RBFOX1: variants seen among roughly 807,000 people sequenced by gnomAD.
RBFOX1 encodes RNA binding protein fox-1 homolog 1.
RBFOX1 carries 8 observed loss-of-function variants against 57.7 expected under a neutral mutation model. The observed-to-expected ratio is 0.14, with a 90% CI of 0.08 to 0.25. The LOEUF is 0.25. Ranked by LOEUF, RBFOX1 falls within the 10% of genes least tolerant of loss-of-function variation. RBFOX1 has a pLI of 1.00. For synonymous variants in RBFOX1, 326 were observed against 222.4 expected, an observed-to-expected ratio of 1.47 and a Z score of -4.15; for missense variants, 611 against 548.5, an observed-to-expected ratio of 1.11 and a Z score of -1.14.
In RBFOX1 at chr16:6,020,682, G is replaced by A. The variant is rs575950410; in HGVS notation, c.-127+690G>A. 1.8e-3 allele frequency among the ~76,000 whole-genome samples: 276 copies of A among 150,386 alleles called. 2 individuals carry two copies. Among genetic ancestry groups the A allele is most frequent in the African/African-American group, 6.6e-3 (268 of 40,630 alleles). On this transcript the variant is annotated intron_variant, in intron 1 of 15. Transcript: ENST00000550418. Reference sequence around the variant, plus strand: ...CACAGGGGTAGCAGATCTTAGCCCTGTGTTGTTGTGCAGGCCAGGGGGGGG... The same window carrying A: ...CACAGGGGTAGCAGATCTTAGCCCTATGTTGTTGTGCAGGCCAGGGGGGGG...
chr16:6,747,826 C>G (rs1023091945), intron 3 of RBFOX1, among the ~76,000 whole-genome samples: 5 of 152,110 alleles, frequency 3.3e-5, no homozygotes, highest in Non-Finnish European at 7.4e-5. Context: ...CAGTCCCTAC[C>G]CGCCATCCAG....
intron 1 of RBFOX1, among the ~76,000 whole-genome samples, chr16:6,096,387 C>T (rs187488701): frequency 6.6e-6 from 1 of 152,172 alleles, no homozygotes; most frequent in Non-Finnish European, 1.5e-5. Flanking sequence ...TATGTTTGCT[C>T]TCGACATTTA....
At chr16:6,943,182 G>C (rs1323723429) in intron 3 of RBFOX1, among the ~76,000 whole-genome samples, 1 of 152,180 alleles carries the variant, frequency 6.6e-6, no homozygotes, top group African/African-American at 2.4e-5. Flanking sequence ...CCACAGACCT[G>C]AGCTTGGCCA....
At chr16:7,439,975 AG>A (rs2098753754) in intron 4 of RBFOX1, among the ~76,000 whole-genome samples, 1 of 129,918 alleles carries the variant, frequency 7.7e-6, no homozygotes, top group Non-Finnish European at 1.6e-5. Flanking sequence ...TTTTTGAGAC[AG>A]GGTCTCATTC....
intron 3 of RBFOX1, among the ~76,000 whole-genome samples, chr16:6,960,040 C>T (rs1413315175): frequency 2.0e-5 from 3 of 152,000 alleles, no homozygotes; most frequent in Non-Finnish European, 4.4e-5. Context: ...TTTCCTAGGC[C>T]TTGAAACATG....
intron 3 of RBFOX1, among the ~76,000 whole-genome samples, chr16:6,858,390 G>T (rs1436614568): frequency 6.6e-6 from 1 of 152,160 alleles, no homozygotes; most frequent in Admixed American, 6.5e-5. Flanking sequence ...CTCCTTGTTG[G>T]TTTTGTGTTG....
intron 1 of RBFOX1, among the ~76,000 whole-genome samples, chr16:5,301,618 C>CAAAAAAAAAAAAAAAAAAAAAAAAACA (rs60501583): frequency 1.1e-5 from 1 of 87,052 alleles, no homozygotes; most frequent in Non-Finnish European, 2.1e-5. Flanking sequence ...GTCTCCATCT[C>CAAAAAAAAAAAAAAAAAAAAAAAAACA]AAAAAAAAAA....
intron 2 of RBFOX1, among the ~76,000 whole-genome samples, chr16:6,471,648 A>C (rs1474193260): frequency 6.6e-6 from 1 of 151,120 alleles, no homozygotes; most frequent in Non-Finnish European, 1.5e-5. Flanking sequence ...TTGGGATTGT[A>C]TTTCTGACAG....
At chr16:7,389,661 A>T (rs2097956844) in intron 4 of RBFOX1, among the ~76,000 whole-genome samples, 1 of 152,204 alleles carries the variant, frequency 6.6e-6, no homozygotes, top group Non-Finnish European at 1.5e-5. Context: ...CCCTACAGAG[A>T]AATTCAGAAG....
At chr16:6,772,720 G>C (rs1338584292) in intron 3 of RBFOX1, among the ~76,000 whole-genome samples, 1 of 150,460 alleles carries the variant, frequency 6.6e-6, no homozygotes, top group Admixed American at 6.6e-5. Context: ...TTGTATGTGT[G>C]TGATTGTGTA....
At position 6,189,421 on chromosome 16, in the gene RBFOX1, G is replaced by A. The variant is rs1273943304; in HGVS notation, c.-126-127574G>A. Among the ~76,000 whole-genome samples the A allele has an allele frequency of 2.6e-5, 4 of 152,158 alleles. No individual in the cohort carries two copies. The South Asian group carries it at 6.2e-4, about 24-fold the overall frequency. On this transcript the variant is annotated intron_variant, in intron 1 of 15. Transcript: ENST00000550418. ...ACTCCTCAGCTGTTAATGCAGAGTC[G>A]CTTGCTGCAACAGTGACAGAGAACT...
intron 1 of RBFOX1, among the ~76,000 whole-genome samples, chr16:5,420,624 C>T (rs1457092698): frequency 6.6e-6 from 1 of 152,034 alleles, no homozygotes; most frequent in African/African-American, 2.4e-5. Context: ...ATCCTCCTAC[C>T]TCAGCGTCCC....
rs1448527213 is a variant in RBFOX1, at chr16:7,058,013, A to AAAAC, written c.27+5918_27+5919insCAAA. Among the ~76,000 whole-genome samples the AAAAC allele has an allele frequency of 1.3e-5, 2 of 151,440 alleles. 1 individual carries two copies. Among genetic ancestry groups the AAAAC allele is most frequent in the East Asian group, 3.9e-4 (2 of 5,172 alleles). On this transcript the variant is annotated intron_variant, in intron 4 of 15. Transcript: ENST00000550418. The stretch of plus-strand genomic sequence containing the variant: ...ACAGAGGGAGACTGTGGGGAAAAAA[A>AAAAC]AAAAAAAAACACGAAAACCACCAGA...
At chr16:5,307,114 T>C (rs1390947944) in intron 1 of RBFOX1, among the ~76,000 whole-genome samples, 3 of 152,172 alleles carry the variant, frequency 2.0e-5, no homozygotes, top group African/African-American at 7.2e-5. Context: ...CCAACCTGGC[T>C]GTTCCTGGGG....
chr16:7,609,246 G>T (rs547591878), intron 10 of RBFOX1, among the ~76,000 whole-genome samples: 1 of 152,194 alleles, frequency 6.6e-6, no homozygotes, highest in Admixed American at 6.5e-5. Context: ...GGGGAGGAAG[G>T]GTATGGATGT....
At chr16:6,953,083 T>C (rs1357754891) in intron 3 of RBFOX1, among the ~76,000 whole-genome samples, 1 of 152,124 alleles carries the variant, frequency 6.6e-6, no homozygotes, top group Admixed American at 6.5e-5. Flanking sequence ...AAGCCACAAA[T>C]ACAAAAACAA....
intron 3 of RBFOX1, among the ~76,000 whole-genome samples, chr16:6,743,653 G>C (rs2072857519): frequency 1.3e-5 from 2 of 151,786 alleles, no homozygotes; most frequent in African/African-American, 2.4e-5. Flanking sequence ...TGAGGTGTCA[G>C]TATCACTTGA....
At chr16:7,664,710 C>G (rs770105140) in intron 12 of RBFOX1, 2 of 714,230 alleles carry the variant, frequency 2.8e-6, no homozygotes, top group Admixed American at 5.8e-5. Flanking sequence ...ACCGCCACCA[C>G]CACATCCTAA....
chr16:5,722,808 A>T (rs915157748), intron 3 of RBFOX1, among the ~76,000 whole-genome samples: 3 of 152,170 alleles, frequency 2.0e-5, no homozygotes, highest in African/African-American at 4.8e-5. Context: ...GTTAAATGCC[A>T]CTGTTTCTGA....
Sources: gnomAD v4.1 joint callset for allele counts (sites outside exome capture counted in the v4.1 genomes callset) on GRCh38, gnomAD v4.1.1 for gene constraint, MANE v1.5 for transcripts, NCBI Gene and HGNC (gene_info 2026-07-23, HGNC 2026-07-21) for gene names.